Variants in EPB41L3 observed in about 807,000 individuals in gnomAD.
The protein encoded by EPB41L3 is erythrocyte membrane protein band 4.1 like 3.
EPB41L3 carries 57 observed loss-of-function variants against 127.1 expected under a neutral mutation model. That is an observed-to-expected ratio of 0.45 (90% CI 0.36 to 0.56). The LOEUF (loss-of-function observed/expected upper bound fraction) is 0.56. Among genes scored for constraint, EPB41L3 ranks in the 20% least tolerant of loss-of-function variants. The pLI, the probability that EPB41L3 is intolerant of heterozygous loss-of-function variation, is 0.00. For synonymous variants in EPB41L3, 572 were observed against 549.5 expected (o/e 1.04, Z -0.57); for missense variants, 1,273 against 1,372.2 (o/e 0.93, Z 1.14).
At chr18:5,467,163 G>A (rs896584360) in intron 3 of EPB41L3, among the ~76,000 whole-genome samples, 2 of 152,124 alleles carry the variant, frequency 1.3e-5, no homozygotes, top group Non-Finnish European at 1.5e-5. Context: ...GAGCTTTGTC[G>A]AGCCTTGAAA....
intron 1 of EPB41L3, among the ~76,000 whole-genome samples, chr18:5,535,126 T>G (rs187196884): frequency 6.6e-6 from 1 of 152,258 alleles, no homozygotes; most frequent in African/African-American, 2.4e-5. Context: ...ATCTAGGTTG[T>G]GCATTCCTTC....
At chr18:5,455,459 C>T (rs1452090982) in intron 3 of EPB41L3, among the ~76,000 whole-genome samples, 2 of 152,116 alleles carry the variant, frequency 1.3e-5, no homozygotes, top group Non-Finnish European at 2.9e-5. Context: ...TGGTATTATG[C>T]ATTGTAAGCC....
intron 2 of EPB41L3, among the ~76,000 whole-genome samples, chr18:5,613,471 G>T (rs573493313): frequency 1.0e-3 from 158 of 152,170 alleles, no homozygotes; most frequent in Middle Eastern, 3.4e-3. Context: ...CCTATTTCCC[G>T]TTATCCCCAT....
chr18:5,499,554 G>A (rs1269412185), intron 1 of EPB41L3, among the ~76,000 whole-genome samples: 1 of 151,966 alleles, frequency 6.6e-6, no homozygotes, highest in East Asian at 1.9e-4. Flanking sequence ...ACGAGGTCAG[G>A]AGATCAAGAC....
At chr18:5,416,425 G>T in intron 12 of EPB41L3, 47 bp from the exon 13 acceptor site, 2 of 1,526,960 alleles carry the variant, frequency 1.3e-6, no homozygotes, top group Non-Finnish European at 8.8e-7. Context: ...AAACAGAGGT[G>T]CAAAAGGACA....
At chr18:5,395,766 T>C in intron 19 of EPB41L3, 59 bp from the exon 20 acceptor site, 1 of 1,344,102 alleles carries the variant, frequency 7.4e-7, no homozygotes, top group East Asian at 2.3e-5. Flanking sequence ...CTTCAGAAGT[T>C]GGCTACGTTA....
chr18:5,473,556 G>A (rs907761784), intron 3 of EPB41L3, among the ~76,000 whole-genome samples: 1 of 150,766 alleles, frequency 6.6e-6, no homozygotes, highest in African/African-American at 2.4e-5. Context: ...GTCCTAATTC[G>A]ATAGTCACTA....
Position 5,415,932 on chromosome 18 carries a change from T to C in EPB41L3, c.1953A>G (p.Pro651=). 6.2e-7 allele frequency: 1 copy of C among 1,613,930 alleles called. No homozygotes were observed. Among genetic ancestry groups the C allele is most frequent in the Non-Finnish European group, 8.5e-7 (1 of 1,179,994 alleles). The change falls in exon 13 of 23, where the codon CCA becomes CCG. Residue 651 remains proline (P), a synonymous_variant. Transcript: ENST00000341928. Reference sequence around the variant, plus strand: ...GAGGGAAGGAGAGAGTGAGAGCGTATGGCACTGAGAAGGAGGCAGACAGCA... The same window carrying C: ...GAGGGAAGGAGAGAGTGAGAGCGTACGGCACTGAGAAGGAGGCAGACAGCA... The part of the protein sequence containing the change: ...FFLLSASFSV[P]YALTLSFPLA...
At chr18:5,488,859 T>C (rs1310238351) in intron 2 of EPB41L3, 142 bp downstream of exon 2, 23 of 886,798 alleles carry the variant, frequency 2.6e-5, no homozygotes, top group Admixed American at 3.8e-5. Context: ...TAAAATAGCA[T>C]ACATTTTCAT....
At chr18:5,627,566 T>C (rs2094935749) in intron 1 of EPB41L3, among the ~76,000 whole-genome samples, 1 of 152,224 alleles carries the variant, frequency 6.6e-6, no homozygotes, top group African/African-American at 2.4e-5. Context: ...TTAATTCTAT[T>C]TTTAAACTCT....
At chr18:5,502,081 A>G (rs1442383769) in intron 1 of EPB41L3, among the ~76,000 whole-genome samples, 1 of 152,118 alleles carries the variant, frequency 6.6e-6, no homozygotes, top group Non-Finnish European at 1.5e-5. Context: ...GAGGTGGCTC[A>G]GCAGATAAAA....
intron 1 of EPB41L3, among the ~76,000 whole-genome samples, chr18:5,525,983 C>T (rs534439052): frequency 2.0e-5 from 3 of 152,066 alleles, no homozygotes; most frequent in Admixed American, 6.5e-5. Context: ...AATTTGCCAC[C>T]TCAGTCTCTT....
intron 3 of EPB41L3, among the ~76,000 whole-genome samples, chr18:5,561,396 A>T (rs1371928282): frequency 6.6e-6 from 1 of 152,216 alleles, no homozygotes; most frequent in African/African-American, 2.4e-5. Context: ...CACAGGAGAC[A>T]GCCTGAAAGA....
At position 5,400,396 on chromosome 18, in the gene EPB41L3, C is replaced by A. The variant is rs1321353198; in HGVS notation, c.2350-2253G>T. On this transcript the variant is annotated intron_variant, in intron 16 of 22. Coordinates refer to ENST00000341928, the MANE Select transcript of EPB41L3 (RefSeq NM_012307.5). ...TAGAAACTTTTCTGTTTTTTACAGC[C>A]TGAAAACTTAAATCTAGAAATACGT... is the stretch of plus-strand genomic sequence containing the variant. The A allele has an allele frequency of 8.1e-6, 3 of 368,708 alleles. No individual in the cohort carries two copies. In the East Asian group the frequency reaches 2.3e-4, roughly 29 times the overall value. 22.8% of individuals were successfully genotyped at this position (368,708 alleles called of 1,614,324 possible). A position where few individuals can be genotyped will look rare whatever the true frequency, so the allele number is the denominator to read the frequency against.
Position 5,478,419 on chromosome 18 carries a change from T to C in EPB41L3, c.203A>G (p.Glu68Gly), listed in dbSNP as rs1311396113. The change falls in exon 3 of 23, where the codon GAG becomes GGG. Residue 68 changes from glutamate to glycine, a missense_variant. By Grantham distance (98) the Glu-to-Gly change is moderately conservative. This residue lies in a region of EPB41L3 where 182 missense variants were observed against 149.2 expected (regional missense o/e 1.22). Transcript: ENST00000341928. ...VRREVTDKEQ[E>G]FAARAAKQLE... The stretch of plus-strand genomic sequence containing the variant: ...CTGTTTTGCAGCCCTGGCAGCAAAC[T>C]CCTGTTCCTTGTCAGTGACCTGTGA... 4 of 1,614,178 alleles carry C rather than the reference T, an allele frequency of 2.5e-6. No homozygotes were observed. The highest frequency in any genetic ancestry group is 3.4e-6 in the Non-Finnish European group (4 of 1,180,008).
At chr18:5,413,522 G>T (rs148408565) in intron 13 of EPB41L3, among the ~76,000 whole-genome samples, 3 of 152,334 alleles carry the variant, frequency 2.0e-5, no homozygotes, top group African/African-American at 7.2e-5. Flanking sequence ...AAACGAAAGT[G>T]ACAAGGCTGA....
intron 3 of EPB41L3, among the ~76,000 whole-genome samples, chr18:5,449,056 C>G (rs2081926872): frequency 6.6e-6 from 1 of 152,020 alleles, no homozygotes; most frequent in Non-Finnish European, 1.5e-5. Flanking sequence ...AAAAGGGAAG[C>G]CAGAGACTGG....
At chr18:5,479,977 C>T (rs2088086871) in intron 2 of EPB41L3, 1 of 152,144 alleles carries the variant, frequency 6.6e-6, no homozygotes, top group Non-Finnish European at 1.5e-5. Context: ...TGCTTTATAA[C>T]TTACACAAAT....
chr18:5,460,598 G>A (rs973144285), intron 3 of EPB41L3, among the ~76,000 whole-genome samples: 11 of 152,184 alleles, frequency 7.2e-5, no homozygotes, highest in African/African-American at 2.2e-4. Context: ...GGTTATTAAA[G>A]GTTTGCTTGA....
Sources: gnomAD v4.1 joint callset for allele counts (sites outside exome capture counted in the v4.1 genomes callset) on GRCh38, gnomAD v4.1.1 for gene constraint, gnomAD v4.1.1 regional missense constraint, MANE v1.5 for transcripts, NCBI Gene and HGNC (gene_info 2026-07-23, HGNC 2026-07-21) for gene names.